The following DCT variants were observed in gnomAD, a reference collection of about 807,000 sequenced individuals.
The protein encoded by DCT is L-dopachrome tautomerase.
A neutral mutation model predicts 53.0 loss-of-function variants in DCT; 47 were observed. That is an observed-to-expected ratio of 0.89 (90% CI 0.70 to 1.13). The LOEUF is 1.13. DCT is among the 50% of genes most tolerant of loss of function. DCT has a pLI of 0.00. For synonymous variants in DCT, 244 were observed against 237.0 expected (o/e 1.03, Z -0.27); for missense variants, 669 against 637.4 (o/e 1.05, Z -0.53).
the DCT span, among the ~76,000 whole-genome samples, chr13:94,494,494 A>C: frequency 6.6e-6 from 1 of 152,038 alleles, no homozygotes; most frequent in Non-Finnish European, 1.5e-5. Context: ...TCCTTCACTC[A>C]GTTTTGTCTC....
At chr13:94,489,136 A>G in the DCT span, among the ~76,000 whole-genome samples, 1 of 152,174 alleles carries the variant, frequency 6.6e-6, no homozygotes, top group African/African-American at 2.4e-5. Flanking sequence ...TTTTCATTCT[A>G]TATTTTTGTA....
the DCT span, among the ~76,000 whole-genome samples, chr13:94,491,377 T>G: frequency 6.6e-6 from 1 of 152,178 alleles, no homozygotes; most frequent in Non-Finnish European, 1.5e-5. Context: ...GAATTTCCCC[T>G]TTTATGAAGA....
chr13:94,482,993 C>G (rs1885509275), upstream of DCT, among the ~76,000 whole-genome samples: 1 of 152,238 alleles, frequency 6.6e-6, no homozygotes, highest in African/African-American at 2.4e-5. Context: ...AAGTTTTTGG[C>G]CTGGCACAGT....
At chr13:94,465,258 G>A (rs1344506720) in intron 4 of DCT, among the ~76,000 whole-genome samples, 1 of 152,150 alleles carries the variant, frequency 6.6e-6, no homozygotes, top group Non-Finnish European at 1.5e-5. Flanking sequence ...GATATGATTG[G>A]TGCTTAGCAA....
At chr13:94,547,984 A>AT in the DCT span, among the ~76,000 whole-genome samples, 28 of 65,822 alleles carry the variant, frequency 4.3e-4, no homozygotes, top group East Asian at 9.6e-4. Context: ...AAAAAAAAAA[A>AT]ATATATATAT....
At chr13:94,491,352 C>G in the DCT span, among the ~76,000 whole-genome samples, 1 of 152,114 alleles carries the variant, frequency 6.6e-6, no homozygotes, top group African/African-American at 2.4e-5. Flanking sequence ...TTCTTGTGTT[C>G]AAGGCTCTGG....
rs1160802436 is a variant in DCT at position 94,439,832 on chromosome 13, TC to T, written c.*65del. On this transcript the variant is annotated 3_prime_UTR_variant, in exon 8 of 8. Coordinates refer to ENST00000377028, the MANE Select transcript of DCT (RefSeq NM_001922.5). ...TCAAGAAGGAACAGTGAGGATTAGT[TC>T]CTTTATTGTCAGCGTCAGAACTGTG... The T allele has an allele frequency of 8.2e-7, 1 of 1,222,778 alleles. No individual in the cohort carries two copies. The highest frequency in any genetic ancestry group is 1.5e-5 in the African/African-American group (1 of 65,536). The allele number at this position is 1,222,778 out of a possible 1,614,324, so 75.7% of individuals were successfully genotyped here. A position where few individuals can be genotyped will look rare whatever the true frequency, so the allele number is the denominator to read the frequency against.
intron 7 of DCT, among the ~76,000 whole-genome samples, chr13:94,442,507 T>C (rs1252337657): frequency 6.6e-6 from 1 of 152,150 alleles, no homozygotes; most frequent in Admixed American, 6.5e-5. Context: ...TAGGTCTCAG[T>C]ATGTTGCCAG....
chr13:94,516,882 G>T, the DCT span, among the ~76,000 whole-genome samples: 1 of 151,982 alleles, frequency 6.6e-6, no homozygotes, highest in Non-Finnish European at 1.5e-5. Context: ...CCAGTTTCAG[G>T]TATTCTGTTA....
the DCT span, among the ~76,000 whole-genome samples, chr13:94,540,011 G>A: frequency 3.3e-5 from 5 of 152,050 alleles, no homozygotes; most frequent in Non-Finnish European, 7.4e-5. Context: ...AACAAAGATC[G>A]CCTCTGCAGA....
chr13:94,469,073 G>T (rs1884443468), intron 1 of DCT, 28 bp from the exon 2 acceptor site: 1 of 1,585,306 alleles, frequency 6.3e-7, no homozygotes. Flanking sequence ...AAGATGGAAA[G>T]GAAGGGGGTT....
chr13:94,476,208 G>A (rs1449748915), intron 1 of DCT, among the ~76,000 whole-genome samples: 1 of 40,684 alleles, frequency 2.5e-5, no homozygotes, highest in African/African-American at 1.1e-4. Flanking sequence ...TTTTTTTTTT[G>A]AAGGTAGGTC....
the DCT span, among the ~76,000 whole-genome samples, chr13:94,545,894 C>A: frequency 6.6e-6 from 1 of 152,026 alleles, no homozygotes; most frequent in Non-Finnish European, 1.5e-5. Flanking sequence ...CCTTCACCCT[C>A]CCCTCCTCAC....
At chr13:94,491,076 G>T in the DCT span, among the ~76,000 whole-genome samples, 1 of 152,308 alleles carries the variant, frequency 6.6e-6, no homozygotes, top group East Asian at 1.9e-4. Flanking sequence ...ATACAAAGAT[G>T]TCAGTGAACA....
chr13:94,480,052 T>A (rs1287756625), upstream of DCT, among the ~76,000 whole-genome samples: 2 of 152,008 alleles, frequency 1.3e-5, no homozygotes, highest in African/African-American at 4.8e-5. Context: ...CAACAGGGGG[T>A]CATGCAACTT....
At chr13:94,521,123 A>C in the DCT span, among the ~76,000 whole-genome samples, 1 of 152,204 alleles carries the variant, frequency 6.6e-6, no homozygotes, top group Non-Finnish European at 1.5e-5. Context: ...GCCTGGTTTC[A>C]AATGCCAGCT....
chr13:94,492,836 AATAG>A, the DCT span, among the ~76,000 whole-genome samples: 1 of 152,206 alleles, frequency 6.6e-6, no homozygotes, highest in African/African-American at 2.4e-5. Flanking sequence ...TCATTCCTTC[AATAG>A]CTTTTTAAAA....
chr13:94,512,650 T>C, the DCT span, among the ~76,000 whole-genome samples: 1 of 152,190 alleles, frequency 6.6e-6, no homozygotes, highest in African/African-American at 2.4e-5. Flanking sequence ...TAATCCCTGT[T>C]AGTTCATCAA....
the DCT span, among the ~76,000 whole-genome samples, chr13:94,523,937 T>C: frequency 6.6e-6 from 1 of 152,136 alleles, no homozygotes; most frequent in Admixed American, 6.5e-5. Flanking sequence ...ACAATAACCA[T>C]TCATGCACCC....
Sources: gnomAD v4.1 joint callset for allele counts (sites outside exome capture counted in the v4.1 genomes callset) on GRCh38, gnomAD v4.1.1 for gene constraint, MANE v1.5 for transcripts, NCBI Gene and HGNC (gene_info 2026-07-23, HGNC 2026-07-21) for gene names.